The following NDRG4 variants were observed in gnomAD, a reference collection of about 807,000 sequenced individuals.
NDRG4 encodes protein NDRG4.
A neutral mutation model predicts 55.8 loss-of-function variants in NDRG4; 38 were observed. The ratio of observed to expected loss-of-function variants is 0.68; its 90% CI spans 0.53 to 0.89. The LOEUF (loss-of-function observed/expected upper bound fraction) is 0.89. Among genes scored for constraint, NDRG4 ranks in the 40% least tolerant of loss-of-function variants. The pLI, the probability that NDRG4 is intolerant of heterozygous loss-of-function variation, is 0.00. For missense variants in NDRG4, 455 were observed against 468.6 expected (o/e 0.97, Z 0.27); for synonymous variants, 190 against 182.7 (o/e 1.04, Z -0.32).
chr16:58,503,265 T>C (rs1266957037), intron 1 of NDRG4, among the ~76,000 whole-genome samples: 1 of 151,956 alleles, frequency 6.6e-6, no homozygotes, highest in African/African-American at 2.4e-5. Flanking sequence ...CAGAAGGGCG[T>C]TCAAGGTGGA....
chr16:58,501,361 A>AGACGGACC (rs1229612162), intron 1 of NDRG4: 2 of 326,238 alleles, frequency 6.1e-6, no homozygotes, highest in Non-Finnish European at 1.1e-5. Context: ...AGGCGAGGGG[A>AGACGGACC]GACGGACCGA....
intron 2 of NDRG4, among the ~76,000 whole-genome samples, chr16:58,488,275 G>A (rs1472170847): frequency 2.6e-5 from 4 of 152,056 alleles, no homozygotes; most frequent in African/African-American, 2.4e-5. Flanking sequence ...AAGCCTCTGC[G>A]GCACCTGGGC....
intron 1 of NDRG4, among the ~76,000 whole-genome samples, chr16:58,486,568 A>G (rs1333207068): frequency 6.6e-6 from 1 of 151,942 alleles, no homozygotes; most frequent in East Asian, 1.9e-4. Context: ...TTTCTAGATT[A>G]TGTCCTTGGC....
At chr16:58,514,505 G>A (rs1255674782), downstream of NDRG4, among the ~76,000 whole-genome samples, 2 of 152,144 alleles carry the variant, frequency 1.3e-5, no homozygotes, top group Non-Finnish European at 2.9e-5. Context: ...GGGAGGCCGA[G>A]GCGGGGGGAT....
At chr16:58,466,731 A>T (rs2031761725) in intron 1 of NDRG4, among the ~76,000 whole-genome samples, 1 of 152,154 alleles carries the variant, frequency 6.6e-6, no homozygotes, top group Non-Finnish European at 1.5e-5. Flanking sequence ...TCGGGATTCT[A>T]ACTCCAACCC....
In NDRG4 at chr16:58,504,356, C is replaced by T. The variant is rs368467050; in HGVS notation, c.249-3C>T. Reference sequence around the variant, plus strand: ...GGGCCCTGACCTCCTGCTCTGCCTGCAGGTACCAGTTCCCCTCCATGGAGC... The same window carrying T: ...GGGCCCTGACCTCCTGCTCTGCCTGTAGGTACCAGTTCCCCTCCATGGAGC... On this transcript the variant is annotated splice_region_variant and splice_polypyrimidine_tract_variant and intron_variant, in intron 3 of 14. Transcript: ENST00000570248. The T allele has an allele frequency of 6.2e-7, 1 of 1,613,560 alleles. No individual in the cohort carries two copies. Among genetic ancestry groups the T allele is most frequent in the African/African-American group, 1.3e-5 (1 of 74,916 alleles).
intron 5 of NDRG4, among the ~76,000 whole-genome samples, chr16:58,505,821 A>T (rs531159996): frequency 1.4e-5 from 2 of 144,376 alleles, no homozygotes; most frequent in South Asian, 4.4e-4. Flanking sequence ...TCCCTGGTTC[A>T]AGCAATTCTC....
upstream of NDRG4, among the ~76,000 whole-genome samples, chr16:58,496,376 C>T (rs188659266): frequency 3.2e-3 from 480 of 152,210 alleles, 3 homozygotes; most frequent in African/African-American, 0.011. Flanking sequence ...TAAAAGGCAC[C>T]TTCCTGTCCA....
chr16:58,500,036 T>C (rs1467908966), upstream of NDRG4: 3 of 1,364,314 alleles, frequency 2.2e-6, no homozygotes, highest in East Asian at 5.3e-5. Context: ...ATATGGGAGC[T>C]GGGGCTCCTG....
At chr16:58,501,224 A>C (rs922021258) in intron 1 of NDRG4, 4 of 424,756 alleles carry the variant, frequency 9.4e-6, no homozygotes, top group South Asian at 1.3e-4. Context: ...CTGCCCGCCC[A>C]TGCAGACCCT....
At chr16:58,477,217 T>G (rs542512119) in intron 1 of NDRG4, among the ~76,000 whole-genome samples, 1 of 152,134 alleles carries the variant, frequency 6.6e-6, no homozygotes, top group Admixed American at 6.5e-5. Flanking sequence ...ATTTCATAGC[T>G]CTGCCTGCTA....
At chr16:58,473,715 C>T (rs149269426) in intron 1 of NDRG4, among the ~76,000 whole-genome samples, 1 of 152,264 alleles carries the variant, frequency 6.6e-6, no homozygotes, top group East Asian at 1.9e-4. Flanking sequence ...CTTCAGCCAC[C>T]TCCTGCACTC....
At chr16:58,495,054 A>T (rs1260254787) in intron 3 of NDRG4, 2 of 1,598,782 alleles carry the variant, frequency 1.3e-6, no homozygotes, top group Admixed American at 3.4e-5. Flanking sequence ...GACAGCTGGC[A>T]GCCCCTCACC....
Position 58,509,435 on chromosome 16 carries a change from C to T in NDRG4, c.865+83C>T, listed in dbSNP as rs12325147. On this transcript the variant is annotated intron_variant, in intron 13 of 14. Coordinates refer to ENST00000570248, the MANE Select transcript of NDRG4 (RefSeq NM_001242835.2). ...GGGGTTGGGGCTCCTGTTTGCAGGG[C>T]TGGCACGTGGTGTCAGGTGGTAGTA... The T allele has an allele frequency of 3.8e-3, 5,591 of 1,457,136 alleles. 189 individuals are homozygous for T. In the African/African-American group the frequency reaches 0.068, roughly 18 times the overall value. 90.3% of individuals were successfully genotyped at this position (1,457,136 alleles called of 1,614,324 possible). A position where few individuals can be genotyped will look rare whatever the true frequency, so the allele number is the denominator to read the frequency against.
intron 1 of NDRG4, among the ~76,000 whole-genome samples, chr16:58,485,277 C>T (rs1422949630): frequency 6.6e-6 from 1 of 152,130 alleles, no homozygotes. Context: ...CCAGCCAAGC[C>T]CTGGACTGTC....
At chr16:58,500,088 C>G (rs2036873056), upstream of NDRG4, 1 of 1,503,854 alleles carries the variant, frequency 6.6e-7, no homozygotes. Flanking sequence ...GGAGGAGGGG[C>G]TAGCTAGGCT....
chr16:58,492,551 T>TACA lies in NDRG4; in HGVS notation c.73-2413_73-2412insACA, dbSNP rs1567595146. ...GTGTGTGTGTGTGTGTGTGTGTGTG[T>TACA]GAGAGACAGACAGACAGTCTCGCCC... On this transcript the variant is annotated intron_variant, in intron 2 of 15. Coordinates refer to the NDRG4 transcript ENST00000258187. Among the ~76,000 whole-genome samples the TACA allele has an allele frequency of 1.4e-3, 62 of 43,996 alleles. 1 individual carries two copies. The highest frequency in any genetic ancestry group is 4.0e-3 in the Non-Finnish European group (53 of 13,286). 28.9% of individuals were successfully genotyped at this position (43,996 alleles called of 152,430 possible). A position where few individuals can be genotyped will look rare whatever the true frequency, so the allele number is the denominator to read the frequency against.
intron 2 of NDRG4, among the ~76,000 whole-genome samples, chr16:58,493,305 A>G (rs958009752): frequency 3.0e-4 from 46 of 152,222 alleles, no homozygotes; most frequent in African/African-American, 1.1e-3. Context: ...GTCTCACTCT[A>G]TCACGCAAGC....
rs2038264893 is a variant in NDRG4, at chr16:58,507,953, C to T, written c.683C>T (p.Pro228Leu). 1.9e-6 allele frequency: 3 copies of T among 1,605,650 alleles called. No homozygotes were observed. Among genetic ancestry groups the T allele is most frequent in the African/African-American group, 1.3e-5 (1 of 74,810 alleles). ...CTTTTCCTCTGTATCTGCAGCTGCC[C>T]CGTGATGCTGGTGGTTGGGGATAAT... The part of the protein sequence containing the change: ...TVPNAKTLRC[P>L]VMLVVGDNAP... Residue 228 changes from proline to leucine, a missense_variant, in exon 10 of 15, where the codon CCC (proline) becomes CTC (leucine). By Grantham distance (98) the Pro-to-Leu change is moderately conservative. Transcript: ENST00000570248.
Sources: allele counts gnomAD v4.1 joint callset (sites outside exome capture counted in the v4.1 genomes callset), GRCh38; gene constraint gnomAD v4.1.1; transcripts MANE v1.5; gene names NCBI Gene and HGNC (gene_info 2026-07-23, HGNC 2026-07-21).